The following CNGA4 variants were observed in gnomAD, a reference collection of about 807,000 sequenced individuals.
The protein encoded by CNGA4 is cyclic nucleotide-gated channel alpha-4.
Under a neutral mutation model 45.6 loss-of-function variants are expected in CNGA4, and 32 were observed. That is an observed-to-expected ratio of 0.70 (90% CI 0.53 to 0.94). CNGA4 has a LOEUF of 0.94. Ranked by LOEUF, CNGA4 falls within the 40% of genes least tolerant of loss-of-function variation. The pLI, the probability that CNGA4 is intolerant of heterozygous loss-of-function variation, is 0.00. For missense variants in CNGA4, 726 were observed against 755.1 expected, an observed-to-expected ratio of 0.96 and a Z score of 0.45; for synonymous variants, 293 against 304.6, an observed-to-expected ratio of 0.96 and a Z score of 0.40.
chr11:6,244,172 A>C lies in CNGA4; in HGVS notation c.1491A>C (p.Leu497=), dbSNP rs1024830234. 4 of 1,614,220 alleles carry C rather than the reference A, an allele frequency of 2.5e-6. No homozygotes were observed. Among genetic ancestry groups the C allele is most frequent in the Non-Finnish European group, 3.4e-6 (4 of 1,180,036 alleles). Residue 497 remains leucine, a synonymous_variant, in exon 6 of 6, where the codon CTA becomes CTC. Coordinates refer to ENST00000379936, the MANE Select transcript of CNGA4 (RefSeq NM_001037329.4). This position sits in a 1 kb window ranked among gnomAD's most constrained non-coding sequence, Gnocchi z 4.5. The part of the protein sequence containing the change: ...IALQEATESR[L]RGLDQQLDDL... The stretch of plus-strand genomic sequence containing the variant: ...TGCAGGAGGCCACAGAGTCCCGGCT[A>C]CGAGGCCTAGACCAGCAGCTGGATG...
chr11:6,241,707 T>A lies in CNGA4; in HGVS notation c.1194T>A (p.Asp398Glu), dbSNP rs147096501. 84 of 1,614,048 alleles carry A rather than the reference T, an allele frequency of 5.2e-5. 1 individual carries two copies. Among genetic ancestry groups the A allele is most frequent in the African/African-American group, 1.2e-4 (9 of 74,904 alleles). Residue 398 changes from aspartate (D) to glutamate (E), a missense_variant, in exon 5 of 6, where the codon GAT (aspartate) becomes GAA (glutamate). Coordinates refer to ENST00000379936, the MANE Select transcript of CNGA4 (RefSeq NM_001037329.4). ...IREGQLAVVADDGITQYAVLG... is the reference protein window; with the variant it reads ...IREGQLAVVAEDGITQYAVLG... Reference sequence around the variant, plus strand: ...AGGGTCAACTGGCCGTGGTGGCAGATGATGGTATCACACAGTATGCTGTGC... The same window carrying A: ...AGGGTCAACTGGCCGTGGTGGCAGAAGATGGTATCACACAGTATGCTGTGC...
At position 6,241,560 on chromosome 11, in the gene CNGA4, T is replaced by C; in HGVS notation, c.1047T>C (p.Phe349=). 6.2e-7 allele frequency: 1 copy of C among 1,614,172 alleles called. No homozygotes were observed. The highest frequency in any genetic ancestry group is 8.5e-7 in the Non-Finnish European group (1 of 1,180,028). Reference sequence around the variant, plus strand: ...CCACTCTGAGCCGGGTGCAGATCTTTCAGAACTGTGAGGCCAGCCTGCTGG... The same window carrying C: ...CCACTCTGAGCCGGGTGCAGATCTTCCAGAACTGTGAGGCCAGCCTGCTGG... ...HLSTLSRVQI[F]QNCEASLLEE... Residue 349 remains phenylalanine (F), a synonymous_variant, in exon 5 of 6, where the codon TTT becomes TTC. Transcript: ENST00000379936.
chr11:6,235,952 GAAAAGAAA>G (rs1468839801), upstream of CNGA4, among the ~76,000 whole-genome samples: 1 of 150,238 alleles, frequency 6.7e-6, no homozygotes, highest in African/African-American at 2.5e-5. Context: ...AAAAAAAAAA[GAAAAGAAA>G]AAAAGAAAAG....
At chr11:6,235,090 T>G (rs1379202741), upstream of CNGA4, among the ~76,000 whole-genome samples, 2 of 152,088 alleles carry the variant, frequency 1.3e-5, no homozygotes, top group East Asian at 1.9e-4. Context: ...GGGCCATGGA[T>G]TCCAGGAGAC....
At chr11:6,236,637 G>A (rs1245001293), upstream of CNGA4, among the ~76,000 whole-genome samples, 1 of 152,150 alleles carries the variant, frequency 6.6e-6, no homozygotes, top group Admixed American at 6.5e-5. Context: ...GGGCAGAGTG[G>A]GGCTCCTGAG....
chr11:6,243,928 A>T, intron 5 of CNGA4, 21 bp from the exon 6 acceptor site: 1 of 1,605,250 alleles, frequency 6.2e-7, no homozygotes, highest in Non-Finnish European at 8.5e-7. Flanking sequence ...CTGTCCTCCC[A>T]TCTCTGCCCA....
rs1041341248 is a variant in CNGA4, at chr11:6,240,850, G to T, written c.917+139G>T. On this transcript the variant is annotated intron_variant, in intron 4 of 5. Coordinates refer to ENST00000379936, the MANE Select transcript of CNGA4 (RefSeq NM_001037329.4). This position sits in a 1 kb window ranked among gnomAD's most constrained non-coding sequence, Gnocchi z 4.9. The stretch of plus-strand genomic sequence containing the variant: ...ATTCAGCCGTGGGTTTGCTGGCTGG[G>T]GCTTGGAAAAAGGGAACTTCTTTCA... The T allele has an allele frequency of 9.1e-7, 1 of 1,098,678 alleles. No homozygotes were observed. The highest frequency in any genetic ancestry group is 1.6e-5 in the African/African-American group (1 of 63,472). The allele number at this position is 1,098,678 out of a possible 1,614,324, so 68.1% of individuals were successfully genotyped here. A position where few individuals can be genotyped will look rare whatever the true frequency, so the allele number is the denominator to read the frequency against.
chr11:6,244,585 TACACACACACACACACAC>T (rs59621297), downstream of CNGA4, among the ~76,000 whole-genome samples: 452 of 141,908 alleles, frequency 3.2e-3, 1 homozygote, highest in Middle Eastern at 0.011. This position sits in a 1 kb window ranked among gnomAD's most constrained non-coding sequence, Gnocchi z 4.5. Context: ...CACTTACCAG[TACACACACACACACACAC>T]ACACACACAC....
At position 6,239,200 on chromosome 11, in the gene CNGA4, C is replaced by T. The variant is rs746326695; in HGVS notation, c.-7C>T. On this transcript the variant is annotated 5_prime_UTR_variant, in exon 1 of 6. Coordinates refer to ENST00000379936, the MANE Select transcript of CNGA4 (RefSeq NM_001037329.4). Reference sequence around the variant, plus strand: ...CATCTCACACCCCAGCACCAGACCACAGAACCATGAGCCAGGACACCAAAG... The same window carrying T: ...CATCTCACACCCCAGCACCAGACCATAGAACCATGAGCCAGGACACCAAAG... The T allele has an allele frequency of 1.5e-5, 25 of 1,613,272 alleles. No homozygotes were observed. Among genetic ancestry groups the T allele is most frequent in the South Asian group, 3.3e-5 (3 of 91,056 alleles).
At position 6,241,333 on chromosome 11, in the gene CNGA4, G is replaced by A. The variant is rs1847915323; in HGVS notation, c.918-98G>A. On this transcript the variant is annotated intron_variant, in intron 4 of 5. Coordinates refer to ENST00000379936, the MANE Select transcript of CNGA4 (RefSeq NM_001037329.4). ...ATGACCCCTGTTAGATCTCAGTATGGTGGGATTCTTGGCTGGAGCTGAGCT... is the reference window on the plus strand; with the variant it reads ...ATGACCCCTGTTAGATCTCAGTATGATGGGATTCTTGGCTGGAGCTGAGCT... The A allele has an allele frequency of 3.2e-6, 3 of 943,382 alleles. No homozygotes were observed. In the African/African-American group the frequency reaches 5.0e-5, roughly 16 times the overall value. The allele number at this position is 943,382 out of a possible 1,614,324, so 58.4% of individuals were successfully genotyped here.
chr11:6,240,564 G>A lies in CNGA4; in HGVS notation c.770G>A (p.Gly257Asp). The A allele has an allele frequency of 6.2e-7, 1 of 1,614,214 alleles. No homozygotes were observed. The highest frequency in any genetic ancestry group is 2.2e-5 in the East Asian group (1 of 44,872). Reference sequence around the variant, plus strand: ...GGCGACTTCCTGCTGGCCGTCATGGGTTTCGCCACCATCATGGGTAGCATG... The same window carrying A: ...GGCGACTTCCTGCTGGCCGTCATGGATTTCGCCACCATCATGGGTAGCATG... ...MVGDFLLAVM[G>D]FATIMGSMSS... The change falls in exon 4 of 6, where the codon GGT becomes GAT. Residue 257 changes from glycine (G) to aspartate (D), a missense_variant. Transcript: ENST00000379936. This position sits in a 1 kb window ranked among gnomAD's most constrained non-coding sequence, Gnocchi z 4.9.
chr11:6,237,747 A>G (rs1483272121), upstream of CNGA4, among the ~76,000 whole-genome samples: 2 of 152,232 alleles, frequency 1.3e-5, no homozygotes, highest in East Asian at 1.9e-4. Context: ...ATGGGAAAAG[A>G]GAGTTTTTCA....
Position 6,240,444 on chromosome 11 carries a change from A to G in CNGA4, c.650A>G (p.Gln217Arg), listed in dbSNP as rs1847899835. 1 of 1,614,222 alleles carries G rather than the reference A, an allele frequency of 6.2e-7. No homozygotes were observed. Among genetic ancestry groups the G allele is most frequent in the East Asian group, 2.2e-5 (1 of 44,884 alleles). Residue 217 changes from glutamine to arginine, a missense_variant, in exon 4 of 6, where the codon CAG becomes CGG. Transcript: ENST00000379936. The surrounding 1 kb of genome is among the most constrained non-coding windows in gnomAD (Gnocchi z 4.9). ...AQPGFERLRR[Q>R]YLYSFYFSTL... ...CCTGGCTTTGAGCGCCTGCGGCGCC[A>G]GTACCTCTATAGCTTTTACTTCTCC... is the stretch of plus-strand genomic sequence containing the variant.
At position 6,239,687 on chromosome 11, in the gene CNGA4, C is replaced by T. The variant is rs1213061030; in HGVS notation, c.168C>T (p.Ala56=). Residue 56 remains alanine, a synonymous_variant, in exon 3 of 6, where the codon GCC becomes GCT. Coordinates refer to ENST00000379936, the MANE Select transcript of CNGA4 (RefSeq NM_001037329.4). ...MYNLIILVCR[A]CFPDLQHGYL... ...CATGCTTAACCCTGCCCTGCAGAGC[C>T]TGCTTCCCCGACTTGCAGCACGGTT... is the stretch of plus-strand genomic sequence containing the variant. 7 of 1,613,904 alleles carry T rather than the reference C, an allele frequency of 4.3e-6. 1 individual carries two copies. The South Asian group carries it at 5.5e-5, about 13-fold the overall frequency.
rs1847965141 is a variant in CNGA4 at position 6,244,455 on chromosome 11, T to G, written c.*46T>G. ...TTCCCACCTCCTAGTGAATCCAGAG[T>G]TGTAGTAAAGCCTAACTGCTGCAAC... On this transcript the variant is annotated 3_prime_UTR_variant, in exon 6 of 6. Coordinates refer to ENST00000379936, the MANE Select transcript of CNGA4 (RefSeq NM_001037329.4). This position sits in a 1 kb window ranked among gnomAD's most constrained non-coding sequence, Gnocchi z 4.5. The G allele has an allele frequency of 6.5e-7, 1 of 1,529,260 alleles. No individual in the cohort carries two copies. The highest frequency in any genetic ancestry group is 8.9e-7 in the Non-Finnish European group (1 of 1,128,428). 94.7% of individuals were successfully genotyped at this position (1,529,260 alleles called of 1,614,324 possible). A position where few individuals can be genotyped will look rare whatever the true frequency, so the allele number is the denominator to read the frequency against.
In CNGA4 at chr11:6,240,746, C is replaced by G. The variant is rs759205314; in HGVS notation, c.917+35C>G. 5.6e-6 allele frequency: 9 copies of G among 1,592,950 alleles called. No homozygotes were observed. The highest frequency in any genetic ancestry group is 7.7e-6 in the Non-Finnish European group (9 of 1,167,864). On this transcript the variant is annotated intron_variant, in intron 4 of 5. Coordinates refer to ENST00000379936, the MANE Select transcript of CNGA4 (RefSeq NM_001037329.4). The surrounding 1 kb of genome is among the most constrained non-coding windows in gnomAD (Gnocchi z 4.9). The stretch of plus-strand genomic sequence containing the variant: ...CGGGGTTCCAGACCAGGACAGGGAC[C>G]AGTGTAGGTGATGGAACCTGAGGGA...
rs1229472357 is a variant in CNGA4, at chr11:6,240,377, G to A, written c.583G>A (p.Gly195Ser). The A allele has an allele frequency of 1.9e-6, 3 of 1,614,196 alleles. No homozygotes were observed. The highest frequency in any genetic ancestry group is 1.7e-6 in the Non-Finnish European group (2 of 1,180,034). Reference sequence around the variant, plus strand: ...ATACTTTGCCCTATCCCGGTACCTGGGCTTCGGGCGTGACGCATGGGTGTA... The same window carrying A: ...ATACTTTGCCCTATCCCGGTACCTGAGCTTCGGGCGTGACGCATGGGTGTA... ...CLYFALSRYL[G>S]FGRDAWVYPD... Residue 195 changes from glycine to serine, a missense_variant, in exon 4 of 6, where the codon GGC becomes AGC. Transcript: ENST00000379936. The surrounding 1 kb of genome is among the most constrained non-coding windows in gnomAD (Gnocchi z 4.9).
chr11:6,244,452 G>A lies in CNGA4; in HGVS notation c.*43G>A. On this transcript the variant is annotated 3_prime_UTR_variant, in exon 6 of 6. Transcript: ENST00000379936. This position sits in a 1 kb window ranked among gnomAD's most constrained non-coding sequence, Gnocchi z 4.5. ...GGATTCCCACCTCCTAGTGAATCCA[G>A]AGTTGTAGTAAAGCCTAACTGCTGC... 6.5e-7 allele frequency: 1 copy of A among 1,538,260 alleles called. No individual in the cohort carries two copies. The highest frequency in any genetic ancestry group is 8.8e-7 in the Non-Finnish European group (1 of 1,134,430).
Position 6,241,532 on chromosome 11 carries a change from T to C in CNGA4, c.1019T>C (p.Leu340Pro). 6.2e-7 allele frequency: 1 copy of C among 1,614,210 alleles called. No homozygotes were observed. The highest frequency in any genetic ancestry group is 8.5e-7 in the Non-Finnish European group (1 of 1,180,014). Residue 340 changes from leucine (L) to proline (P), a missense_variant, in exon 5 of 6, where the codon CTG becomes CCG. Leu to Pro is a moderately conservative substitution (Grantham distance 98, BLOSUM62 -3). Transcript: ENST00000379936. ...LRAEVAVSVH[L>P]STLSRVQIFQ... ...GCAGAAGTGGCTGTGTCTGTGCACC[T>C]GTCCACTCTGAGCCGGGTGCAGATC...
Sources: allele counts gnomAD v4.1 joint callset (sites outside exome capture counted in the v4.1 genomes callset), GRCh38; gene constraint gnomAD v4.1.1; non-coding constraint Gnocchi (gnomAD v3.1); transcripts MANE v1.5; gene names NCBI Gene and HGNC (gene_info 2026-07-23, HGNC 2026-07-21).